Variants in SNX9 observed in about 807,000 individuals in gnomAD.
The protein encoded by SNX9 is sorting nexin-9.
A neutral mutation model predicts 89.4 loss-of-function variants in SNX9; 44 were observed. The ratio of observed to expected loss-of-function variants is 0.49; its 90% CI spans 0.39 to 0.63. The LOEUF is 0.63. Among genes scored for constraint, SNX9 ranks in the 30% least tolerant of loss-of-function variants. The probability of loss-of-function intolerance (pLI) is 0.00; values close to 1 mark genes in which losing one functional copy is unlikely to be tolerated. For synonymous variants in SNX9, 236 were observed against 247.8 expected, an observed-to-expected ratio of 0.95 and a Z score of 0.45; for missense variants, 578 against 736.1, an observed-to-expected ratio of 0.79 and a Z score of 2.49.
Position 157,909,702 on chromosome 6 carries a change from C to A in SNX9, c.743C>A (p.Ser248Tyr). 6.2e-7 allele frequency: 1 copy of A among 1,614,204 alleles called. No individual in the cohort carries two copies. Among genetic ancestry groups the A allele is most frequent in the Non-Finnish European group, 8.5e-7 (1 of 1,180,034 alleles). ...DYGPMWVYPTSTFDCVVADPR... is the reference protein window; with the variant it reads ...DYGPMWVYPTYTFDCVVADPR... Reference sequence around the variant, plus strand: ...GGCCCAATGTGGGTTTATCCTACCTCTACTTTTGACTGTGTGGTAGCAGAT... The same window carrying A: ...GGCCCAATGTGGGTTTATCCTACCTATACTTTTGACTGTGTGGTAGCAGAT... Residue 248 changes from serine to tyrosine, a missense_variant, in exon 8 of 18, where the codon TCT (serine) becomes TAT (tyrosine). Around this residue, in one of 2 missense-constraint regions of SNX9, gnomAD observed 348 missense variants for 491.4 expected, o/e 0.71. Transcript: ENST00000392185.
intron 1 of SNX9, among the ~76,000 whole-genome samples, chr6:157,827,806 G>T (rs888836695): frequency 6.7e-6 from 1 of 149,558 alleles, no homozygotes; most frequent in African/African-American, 2.5e-5. Flanking sequence ...GGATCCTTTT[G>T]TGCTTACATA....
chr6:157,834,541 A>C (rs1178363191), intron 1 of SNX9, among the ~76,000 whole-genome samples: 1 of 151,672 alleles, frequency 6.6e-6, no homozygotes, highest in Non-Finnish European at 1.5e-5. Flanking sequence ...CTTTAGTAGA[A>C]TTGAGGTCTC....
chr6:157,870,431 C>T lies in SNX9; in HGVS notation c.100-2671C>T, dbSNP rs145275440. On this transcript the variant is annotated intron_variant, in intron 2 of 17. Coordinates refer to ENST00000392185, the MANE Select transcript of SNX9 (RefSeq NM_016224.5). ...ACCTGCTCTCACACACGCACACTCA[C>T]ATGCTGTCACACAGATGCAGCACTC... Among the ~76,000 whole-genome samples the T allele has an allele frequency of 5.9e-5, 9 of 152,144 alleles. No homozygotes were observed. In the East Asian group the frequency reaches 7.8e-4, roughly 13 times the overall value.
At chr6:157,920,407 A>G (rs957897060) in intron 9 of SNX9, among the ~76,000 whole-genome samples, 28 of 152,144 alleles carry the variant, frequency 1.8e-4, no homozygotes, top group African/African-American at 6.8e-4. Context: ...CATCACTCCA[A>G]GCGAGCCTTC....
intron 2 of SNX9, among the ~76,000 whole-genome samples, chr6:157,871,547 AG>A (rs906028573): frequency 1.1e-4 from 16 of 151,814 alleles, no homozygotes; most frequent in Admixed American, 1.0e-3. Context: ...AGGAGGGGGG[AG>A]GGATAGCATT....
chr6:157,894,356 C>T (rs1361486223), intron 4 of SNX9, among the ~76,000 whole-genome samples: 3 of 150,616 alleles, frequency 2.0e-5, no homozygotes, highest in African/African-American at 4.9e-5. Context: ...GTGATCCTCC[C>T]GCCTCGGCCT....
chr6:157,922,604 G>T (rs1322699746), intron 10 of SNX9, among the ~76,000 whole-genome samples: 1 of 152,158 alleles, frequency 6.6e-6, no homozygotes, highest in Non-Finnish European at 1.5e-5. Context: ...ATGTTTACAG[G>T]TGTATGCATA....
chr6:157,879,258 C>T (rs1188788651), intron 4 of SNX9, among the ~76,000 whole-genome samples: 1 of 152,210 alleles, frequency 6.6e-6, no homozygotes, highest in East Asian at 1.9e-4. Flanking sequence ...AAATGTCTGT[C>T]AGCAGGGGAC....
Position 157,937,515 on chromosome 6 carries a change from A to G in SNX9, c.1525A>G (p.Thr509Ala). The change falls in exon 15 of 18, where the codon ACT becomes GCT. Residue 509 changes from threonine (T) to alanine (A), a missense_variant. By Grantham distance (58) the Thr-to-Ala change is moderately conservative (BLOSUM62 0). This residue lies in a region of SNX9 where 348 missense variants were observed against 491.4 expected (regional missense o/e 0.71). Transcript: ENST00000392185. ...TGGCTGCTTCCCTGACATCATTGGC[A>G]CTCACAAGGTAACCTGATCGTAGAC... ...FLGCFPDIIG[T>A]HKGAIEKVKE... The G allele has an allele frequency of 6.2e-7, 1 of 1,612,740 alleles. No homozygotes were observed.
intron 15 of SNX9, among the ~76,000 whole-genome samples, chr6:157,938,077 C>T (rs1477158167): frequency 1.3e-5 from 2 of 152,198 alleles, no homozygotes; most frequent in African/African-American, 2.4e-5. Flanking sequence ...CGGTAAATAA[C>T]GAGCAGCGTG....
intron 6 of SNX9, among the ~76,000 whole-genome samples, chr6:157,903,237 A>G (rs1783143705): frequency 6.6e-6 from 1 of 152,204 alleles, no homozygotes. Flanking sequence ...ATATCAAAGA[A>G]TGTTAATCTG....
Position 157,867,581 on chromosome 6 carries a change from G to C in SNX9, c.47G>C (p.Gly16Ala). 6.2e-7 allele frequency: 1 copy of C among 1,612,744 alleles called. No homozygotes were observed. The highest frequency in any genetic ancestry group is 8.5e-7 in the Non-Finnish European group (1 of 1,179,066). ...RVMYDFAAEP[G>A]NNELTVNEGE... ...ATGTATGATTTTGCTGCTGAACCTGGAAATAATGAACTGACGGTTAATGAA... is the reference window on the plus strand; with the variant it reads ...ATGTATGATTTTGCTGCTGAACCTGCAAATAATGAACTGACGGTTAATGAA... The change falls in exon 2 of 18, where the codon GGA becomes GCA. Residue 16 changes from glycine to alanine, a missense_variant. Physicochemically the swap from Gly to Ala is moderately conservative, Grantham distance 60 (BLOSUM62 0). Coordinates refer to ENST00000392185, the MANE Select transcript of SNX9 (RefSeq NM_016224.5).
intron 4 of SNX9, among the ~76,000 whole-genome samples, chr6:157,896,286 G>T (rs1233978571): frequency 1.3e-5 from 2 of 152,124 alleles, no homozygotes; most frequent in African/African-American, 4.8e-5. Context: ...TATTATACAT[G>T]TATTCCATTT....
At chr6:157,826,582 T>G (rs1781349234) in intron 1 of SNX9, among the ~76,000 whole-genome samples, 1 of 149,842 alleles carries the variant, frequency 6.7e-6, no homozygotes, top group Non-Finnish European at 1.5e-5. Flanking sequence ...TACTCCTTAC[T>G]CAGTAGAGTG....
At chr6:157,899,044 T>TA (rs1325890279) in intron 5 of SNX9, among the ~76,000 whole-genome samples, 1 of 146,078 alleles carries the variant, frequency 6.8e-6, no homozygotes, top group Non-Finnish European at 1.5e-5. Flanking sequence ...CTCAGGCCGT[T>TA]AGAGTAGGGG....
At chr6:157,844,379 G>C (rs1337063325) in intron 1 of SNX9, among the ~76,000 whole-genome samples, 3 of 151,884 alleles carry the variant, frequency 2.0e-5, no homozygotes, top group Non-Finnish European at 4.4e-5. Flanking sequence ...AGTCAAAGCT[G>C]TCTTGCACTG....
chr6:157,844,251 G>T (rs1049510257), intron 1 of SNX9, among the ~76,000 whole-genome samples: 11 of 152,198 alleles, frequency 7.2e-5, no homozygotes, highest in African/African-American at 2.7e-4. Flanking sequence ...CAGTGCAGGA[G>T]ACCGGAGTTT....
intron 15 of SNX9, among the ~76,000 whole-genome samples, chr6:157,938,011 G>A (rs894557512): frequency 6.6e-6 from 1 of 152,246 alleles, no homozygotes; most frequent in Non-Finnish European, 1.5e-5. Context: ...CAGCATCAGA[G>A]TTGTAGGCCT....
intron 1 of SNX9, among the ~76,000 whole-genome samples, chr6:157,844,409 G>A (rs570812429): frequency 2.0e-4 from 29 of 142,916 alleles, no homozygotes; most frequent in Middle Eastern, 3.5e-3. Context: ...CTGGGTGGGG[G>A]CCACAAGATC....
Sources: gnomAD v4.1 joint callset for allele counts (sites outside exome capture counted in the v4.1 genomes callset) on GRCh38, gnomAD v4.1.1 for gene constraint, gnomAD v4.1.1 regional missense constraint, MANE v1.5 for transcripts, NCBI Gene and HGNC (gene_info 2026-07-23, HGNC 2026-07-21) for gene names.